The following PRIMPOL variants were observed in gnomAD, a reference collection of about 807,000 sequenced individuals.
The protein encoded by PRIMPOL is DNA-directed primase/polymerase protein.
Under a neutral mutation model 63.6 loss-of-function variants are expected in PRIMPOL, and 54 were observed. The ratio of observed to expected loss-of-function variants is 0.85; its 90% confidence interval spans 0.68 to 1.07. The LOEUF (loss-of-function observed/expected upper bound fraction) is 1.07. PRIMPOL is among the 50% of genes least tolerant of loss of function. The probability of loss-of-function intolerance (pLI) is 0.00; values close to 1 mark genes in which losing one functional copy is unlikely to be tolerated. For missense variants in PRIMPOL, 610 were observed against 648.3 expected, an observed-to-expected ratio of 0.94 and a Z score of 0.64; for synonymous variants, 197 against 220.2, an observed-to-expected ratio of 0.89 and a Z score of 0.93.
intron 9 of PRIMPOL, among the ~76,000 whole-genome samples, chr4:184,684,568 A>G (rs1756524823): frequency 6.6e-6 from 1 of 152,164 alleles, no homozygotes; most frequent in South Asian, 2.1e-4. Flanking sequence ...TAAAGGTCTC[A>G]GGGCACACAC....
At chr4:184,660,809 A>G (rs377138284) in intron 4 of PRIMPOL, among the ~76,000 whole-genome samples, 71 of 152,310 alleles carry the variant, frequency 4.7e-4, no homozygotes, top group African/African-American at 1.6e-3. Context: ...ATTTTCACAT[A>G]ACTTTTCCCT....
intron 11 of PRIMPOL, among the ~76,000 whole-genome samples, chr4:184,687,975 C>A (rs561277568): frequency 1.3e-5 from 2 of 152,182 alleles, no homozygotes; most frequent in African/African-American, 4.8e-5. Flanking sequence ...CCTTGCCTTG[C>A]GGTAGCATAT....
intron 13 of PRIMPOL, chr4:184,694,083 T>C (rs957043126): frequency 1.2e-5 from 3 of 246,266 alleles, no homozygotes; most frequent in Non-Finnish European, 1.9e-5. Context: ...AATCCAGTCA[T>C]ATTTTGGCAA....
At chr4:184,686,517 C>G (rs1757012724) in intron 11 of PRIMPOL, among the ~76,000 whole-genome samples, 1 of 152,042 alleles carries the variant, frequency 6.6e-6, no homozygotes, top group African/African-American at 2.4e-5. Flanking sequence ...TAGAGATTTT[C>G]TTTAAAACGC....
intron 8 of PRIMPOL, among the ~76,000 whole-genome samples, chr4:184,680,531 T>C (rs1359935951): frequency 1.3e-5 from 2 of 152,212 alleles, no homozygotes; most frequent in Admixed American, 1.3e-4. Flanking sequence ...AAATTAATTT[T>C]AGTAATTGTC....
intron 7 of PRIMPOL, among the ~76,000 whole-genome samples, chr4:184,673,285 G>A (rs185580911): frequency 0.013 from 2,016 of 149,466 alleles, 22 homozygotes; most frequent in Non-Finnish European, 0.022. Flanking sequence ...GCCCGCCACC[G>A]CTCCCGGCTA....
At chr4:184,665,192 A>G (rs1331492138) in intron 5 of PRIMPOL, among the ~76,000 whole-genome samples, 1 of 150,948 alleles carries the variant, frequency 6.6e-6, no homozygotes, top group East Asian at 1.9e-4. Context: ...TGTGCTAAAA[A>G]TTTCCATTTT....
intron 7 of PRIMPOL, among the ~76,000 whole-genome samples, chr4:184,675,109 G>A (rs867108898): frequency 3.9e-4 from 59 of 152,340 alleles, no homozygotes; most frequent in African/African-American, 1.4e-3. Flanking sequence ...GAGATGATTG[G>A]CATCACACTG....
intron 5 of PRIMPOL, among the ~76,000 whole-genome samples, chr4:184,663,131 G>A (rs1166464176): frequency 6.6e-6 from 1 of 151,068 alleles, no homozygotes. Flanking sequence ...TGCAATCTCT[G>A]CCTCCCAGGT....
At position 184,678,303 on chromosome 4, in the gene PRIMPOL, G is replaced by T. The variant is rs1427023520; in HGVS notation, c.916G>T (p.Val306Phe). 8 of 1,606,482 alleles carry T rather than the reference G, an allele frequency of 5.0e-6. No homozygotes were observed. Among genetic ancestry groups the T allele is most frequent in the Non-Finnish European group, 5.9e-6 (7 of 1,177,204 alleles). Residue 306 changes from valine (V) to phenylalanine (F), a missense_variant, in exon 8 of 14, where the codon GTT (valine) becomes TTT (phenylalanine). Coordinates refer to ENST00000314970, the MANE Select transcript of PRIMPOL (RefSeq NM_152683.4). Reference protein sequence around the residue: ...SKIGKRVALEVTEDNKFFPIQ... With the variant: ...SKIGKRVALEFTEDNKFFPIQ... Reference sequence around the variant, plus strand: ...AATTGGAAAGCGTGTGGCTTTGGAGGTTACTGAAGATAACAAATTTTTTCC... The same window carrying T: ...AATTGGAAAGCGTGTGGCTTTGGAGTTTACTGAAGATAACAAATTTTTTCC...
At chr4:184,672,517 G>A (rs887285358) in intron 7 of PRIMPOL, 57 bp downstream of exon 7, 31 of 1,508,646 alleles carry the variant, frequency 2.1e-5, no homozygotes, top group Middle Eastern at 3.5e-4. Context: ...CGTGAGAGAC[G>A]GGTTGGTGCC....
intron 1 of PRIMPOL, among the ~76,000 whole-genome samples, chr4:184,650,597 T>C (rs1194552233): frequency 6.6e-6 from 1 of 152,240 alleles, no homozygotes; most frequent in Non-Finnish European, 1.5e-5. Context: ...GTTACGTCAA[T>C]GGTGTGCTAT....
At chr4:184,659,572 A>G (rs895228227) in intron 4 of PRIMPOL, 135 bp downstream of exon 4, 10 of 691,606 alleles carry the variant, frequency 1.4e-5, no homozygotes, top group Non-Finnish European at 2.3e-5. Flanking sequence ...TTAGAATTGA[A>G]TTCTGGAGTT....
chr4:184,694,204 C>G, intron 13 of PRIMPOL: 1 of 1,054,604 alleles, frequency 9.5e-7, no homozygotes, highest in Non-Finnish European at 1.1e-6. Flanking sequence ...TCTGATTTGT[C>G]TTCAGCTGGA....
At position 184,672,456 on chromosome 4, in the gene PRIMPOL, T is replaced by TTGTAG. The variant is rs1752047907; in HGVS notation, c.840_841insTGTAG (p.Leu281CysfsTer88). ...TGGGAGAGAAGCATCTTTTTGTAGA[T>TTGTAG]CTCGGTAAGTAAGATTGACAGCTTT... On this transcript the variant is annotated frameshift_variant, in exon 7 of 14. Transcript: ENST00000314970. LOFTEE classifies it high-confidence loss of function. 1 of 1,602,300 alleles carries TTGTAG rather than the reference T, an allele frequency of 6.2e-7. No homozygotes were observed. The highest frequency in any genetic ancestry group is 1.3e-5 in the African/African-American group (1 of 74,318).
intron 6 of PRIMPOL, among the ~76,000 whole-genome samples, chr4:184,669,261 C>G (rs1750909543): frequency 1.3e-5 from 2 of 152,188 alleles, no homozygotes; most frequent in African/African-American, 2.4e-5. Flanking sequence ...TGTTAAGCAG[C>G]TGGGGAATGT....
chr4:184,670,839 A>T (rs1751414627), intron 6 of PRIMPOL, among the ~76,000 whole-genome samples: 1 of 152,162 alleles, frequency 6.6e-6, no homozygotes, highest in African/African-American at 2.4e-5. Context: ...ATGAGCCACC[A>T]CACCTGGCTG....
intron 7 of PRIMPOL, 84 bp downstream of exon 7, chr4:184,672,544 C>T (rs577346176): frequency 1.2e-5 from 16 of 1,373,620 alleles, no homozygotes; most frequent in Admixed American, 8.9e-5. Flanking sequence ...TCACCGTGCT[C>T]GGGATTCTTG....
intron 5 of PRIMPOL, 110 bp from the exon 6 acceptor site, chr4:184,665,807 A>G: frequency 1.5e-6 from 1 of 684,448 alleles, no homozygotes; most frequent in Non-Finnish European, 2.2e-6. Context: ...GCCTGATCAG[A>G]AATTAATGAC....
Sources: allele counts gnomAD v4.1 joint callset (sites outside exome capture counted in the v4.1 genomes callset), GRCh38; gene constraint gnomAD v4.1.1; transcripts MANE v1.5; gene names NCBI Gene and HGNC (gene_info 2026-07-23, HGNC 2026-07-21).